The following MYO6 variants were observed in gnomAD, a reference collection of about 807,000 sequenced individuals.
MYO6 encodes unconventional myosin-VI.
Under a neutral mutation model 178.7 loss-of-function variants are expected in MYO6, and 74 were observed. The observed-to-expected ratio is 0.41, with a 90% CI of 0.34 to 0.50. The LOEUF is 0.50. Ranked by LOEUF, MYO6 falls within the 20% of genes least tolerant of loss-of-function variation. The pLI is 0.09. For missense variants in MYO6, 1,330 were observed against 1,547.4 expected, an observed-to-expected ratio of 0.86 and a Z score of 2.36; for synonymous variants, 477 against 504.6, an observed-to-expected ratio of 0.95 and a Z score of 0.73.
chr6:75,840,682 G>A lies in MYO6; in HGVS notation c.651G>A (p.Lys217=). 2 of 1,600,708 alleles carry A rather than the reference G, an allele frequency of 1.2e-6. No homozygotes were observed. Among genetic ancestry groups the A allele is most frequent in the Non-Finnish European group, 1.7e-6 (2 of 1,167,920 alleles). Residue 217 remains lysine (K), a splice_region_variant and synonymous_variant, in exon 8 of 35, where the codon AAG becomes AAA. Transcript: ENST00000369977. ...TTGTAGAAATACATTTTAATGAAAA[G>A]GTAAGTGAGAGTAAGCTTTGGAATG... The part of the protein sequence containing the change: ...GKFVEIHFNE[K]SSVVGGFVSH...
chr6:75,803,883 T>C (rs559353732), intron 1 of MYO6, among the ~76,000 whole-genome samples: 1 of 152,262 alleles, frequency 6.6e-6, no homozygotes, highest in Admixed American at 6.5e-5. Context: ...AGGGAGGCTT[T>C]TTCTTTTTGT....
At chr6:75,878,820 C>T (rs558395443) in intron 20 of MYO6, among the ~76,000 whole-genome samples, 37 of 152,266 alleles carry the variant, frequency 2.4e-4, no homozygotes, top group Admixed American at 1.9e-3. Context: ...AAATCTAGGT[C>T]TTGTAAATAA....
intron 1 of MYO6, among the ~76,000 whole-genome samples, chr6:75,792,312 C>A (rs558976658): frequency 6.6e-6 from 1 of 152,002 alleles, no homozygotes; most frequent in Non-Finnish European, 1.5e-5. Context: ...TAATTAGTTA[C>A]CCTGGATGAT....
At chr6:75,763,156 A>G (rs1778100513) in intron 1 of MYO6, among the ~76,000 whole-genome samples, 1 of 151,456 alleles carries the variant, frequency 6.6e-6, no homozygotes, top group South Asian at 2.1e-4. Context: ...CCTCCTGAGT[A>G]GCTGGGATTA....
chr6:75,764,494 A>C (rs1778228299), intron 1 of MYO6, among the ~76,000 whole-genome samples: 1 of 152,176 alleles, frequency 6.6e-6, no homozygotes, highest in Non-Finnish European at 1.5e-5. Flanking sequence ...CTGGTATTAT[A>C]ATGTACATCA....
At chr6:75,890,922 G>A (rs1778854974) in intron 26 of MYO6, among the ~76,000 whole-genome samples, 1 of 152,188 alleles carries the variant, frequency 6.6e-6, no homozygotes, top group African/African-American at 2.4e-5. Flanking sequence ...GAACAGATGA[G>A]TTGTTGACTT....
chr6:75,853,766 G>A (rs748400750), intron 11 of MYO6, among the ~76,000 whole-genome samples: 27 of 151,860 alleles, frequency 1.8e-4, no homozygotes, highest in African/African-American at 5.6e-4. Flanking sequence ...AGAATATATC[G>A]TTTATTAATA....
chr6:75,823,671 T>A (rs903086478), intron 3 of MYO6, among the ~76,000 whole-genome samples: 21 of 152,336 alleles, frequency 1.4e-4, no homozygotes, highest in African/African-American at 4.8e-4. Context: ...AACCCCCATA[T>A]GTAGAATGGT....
intron 25 of MYO6, among the ~76,000 whole-genome samples, chr6:75,889,340 T>G (rs1302942705): frequency 6.6e-6 from 1 of 152,250 alleles, no homozygotes; most frequent in African/African-American, 2.4e-5. Context: ...TAAAATATTC[T>G]CTAGGTACTA....
At chr6:75,903,580 A>G (rs372279981) in intron 30 of MYO6, among the ~76,000 whole-genome samples, 2 of 152,030 alleles carry the variant, frequency 1.3e-5, no homozygotes, top group African/African-American at 2.4e-5. Flanking sequence ...CATTTGCTTC[A>G]TAGATCTTCC....
chr6:75,771,988 A>T (rs576878623), intron 1 of MYO6, among the ~76,000 whole-genome samples: 1 of 152,332 alleles, frequency 6.6e-6, no homozygotes, highest in South Asian at 2.1e-4. Flanking sequence ...AAAAAAGTAG[A>T]ACACTCTCTG....
At chr6:75,902,427 T>A (rs1475874639) in intron 30 of MYO6, among the ~76,000 whole-genome samples, 1 of 152,242 alleles carries the variant, frequency 6.6e-6, no homozygotes, top group Non-Finnish European at 1.5e-5. Flanking sequence ...TATTCAGAGA[T>A]TCAACTTCTT....
In MYO6 at chr6:75,840,634, T is replaced by C; in HGVS notation, c.603T>C (p.Asn201=). The change falls in exon 8 of 35, where the codon AAT becomes AAC. Residue 201 remains asparagine, a synonymous_variant. Coordinates refer to ENST00000369977, the MANE Select transcript of MYO6 (RefSeq NM_004999.4). ...GAAATGCGAAGACTGTTCGCAACAATAATAGCAGTCGATTTGGGAAATTTG... is the reference window on the plus strand; with the variant it reads ...GAAATGCGAAGACTGTTCGCAACAACAATAGCAGTCGATTTGGGAAATTTG... The part of the protein sequence containing the change: ...AFGNAKTVRN[N]NSSRFGKFVE... The C allele has an allele frequency of 6.2e-7, 1 of 1,613,996 alleles. No individual in the cohort carries two copies. The highest frequency in any genetic ancestry group is 8.5e-7 in the Non-Finnish European group (1 of 1,179,910).
chr6:75,892,798 C>A, intron 28 of MYO6, 108 bp downstream of exon 28: 2 of 1,151,236 alleles, frequency 1.7e-6, no homozygotes, highest in Non-Finnish European at 1.2e-6. Flanking sequence ...ATTCTGAAGG[C>A]CCTGATATAT....
chr6:75,837,041 A>G (rs1408700327), intron 7 of MYO6, among the ~76,000 whole-genome samples: 1 of 152,118 alleles, frequency 6.6e-6, no homozygotes, highest in Non-Finnish European at 1.5e-5. Context: ...TTATGCTTTA[A>G]TCACATTGGG....
At chr6:75,881,580 C>A in intron 22 of MYO6, 109 bp from the exon 23 acceptor site, 2 of 1,111,370 alleles carry the variant, frequency 1.8e-6, no homozygotes, top group Non-Finnish European at 1.3e-6. Flanking sequence ...TGACATGTGA[C>A]CATTTTCAGA....
intron 9 of MYO6, 34 bp from the exon 10 acceptor site, chr6:75,844,863 A>G (rs774125585): frequency 2.7e-6 from 4 of 1,509,290 alleles, no homozygotes; most frequent in African/African-American, 2.7e-5. Context: ...TGTGGATCAT[A>G]TATGTTAATT....
intron 32 of MYO6, 69 bp from the exon 33 acceptor site, chr6:75,911,603 T>G: frequency 7.3e-7 from 1 of 1,378,658 alleles, no homozygotes; most frequent in South Asian, 1.2e-5. Context: ...GCTTTATAAA[T>G]TAGAAAAATG....
intron 1 of MYO6, among the ~76,000 whole-genome samples, chr6:75,804,132 A>G (rs919174337): frequency 1.3e-5 from 2 of 152,208 alleles, no homozygotes; most frequent in African/African-American, 4.8e-5. Context: ...GGACTCAAGT[A>G]ATCCTCCTGC....
Sources: gnomAD v4.1 joint callset for allele counts (sites outside exome capture counted in the v4.1 genomes callset) on GRCh38, gnomAD v4.1.1 for gene constraint, MANE v1.5 for transcripts, NCBI Gene and HGNC (gene_info 2026-07-23, HGNC 2026-07-21) for gene names.